The following NPAS3 variants were observed in gnomAD, a reference collection of about 807,000 sequenced individuals.
NPAS3 encodes the protein neuronal PAS domain protein 3.
In NPAS3, 14 loss-of-function variants were observed where a neutral mutation model predicts 73.1. That is an observed-to-expected ratio of 0.19 (90% CI 0.13 to 0.30). NPAS3 has a LOEUF of 0.30. Ranked by LOEUF, NPAS3 falls within the 10% of genes least tolerant of loss-of-function variation. NPAS3 has a pLI of 1.00. For synonymous variants in NPAS3, 620 were observed against 541.5 expected (o/e 1.14, Z -2.01); for missense variants, 1,096 against 1,250.0 (o/e 0.88, Z 1.86).
intron 4 of NPAS3, among the ~76,000 whole-genome samples, chr14:33,388,336 G>A (rs945606703): frequency 2.0e-5 from 3 of 152,184 alleles, no homozygotes; most frequent in Non-Finnish European, 4.4e-5. Flanking sequence ...TATTCCCAGA[G>A]TGATTTCAGC....
rs192805856 is a variant in NPAS3, at chr14:33,405,676, A to T, written c.468+38408A>T. Among the ~76,000 whole-genome samples the T allele has an allele frequency of 3.0e-3, 464 of 152,152 alleles. 1 individual carries two copies. The highest frequency in any genetic ancestry group is 6.4e-3 in the South Asian group (31 of 4,826). On this transcript the variant is annotated intron_variant, in intron 4 of 11. Transcript: ENST00000356141. ...CGTTAGCCTCTAGCAAATCCCATTT[A>T]AAAAAAATCTCACAGTATCTATAGG...
intron 5 of NPAS3, among the ~76,000 whole-genome samples, chr14:33,565,435 G>A (rs1412083694): frequency 2.0e-5 from 3 of 152,198 alleles, no homozygotes; most frequent in Non-Finnish European, 4.4e-5. Flanking sequence ...TAACTTGGCC[G>A]AGGGCCAATA....
chr14:33,200,538 C>T lies in NPAS3; in HGVS notation c.141-14644C>T, dbSNP rs190070078. On this transcript the variant is annotated intron_variant, in intron 2 of 11. Transcript: ENST00000356141. ...CCTTTATGTGCCCCATAATTAAATCCTACTCCCAGCAAAGGTTATTATTGG... is the reference window on the plus strand; with the variant it reads ...CCTTTATGTGCCCCATAATTAAATCTTACTCCCAGCAAAGGTTATTATTGG... Among the ~76,000 whole-genome samples the T allele has an allele frequency of 5.0e-3, 763 of 151,542 alleles. 4 individuals are homozygous for T. The highest frequency in any genetic ancestry group is 8.8e-3 in the Non-Finnish European group (595 of 67,668).
chr14:33,235,983 G>A (rs540917417), intron 3 of NPAS3, among the ~76,000 whole-genome samples: 23 of 151,310 alleles, frequency 1.5e-4, no homozygotes, highest in African/African-American at 5.3e-4. Context: ...GTAGACACGG[G>A]GTCTCACAAT....
At chr14:33,198,043 G>C (rs1336493633) in intron 2 of NPAS3, among the ~76,000 whole-genome samples, 1 of 150,658 alleles carries the variant, frequency 6.6e-6, no homozygotes, top group East Asian at 2.0e-4. Flanking sequence ...AGCTCTTAAG[G>C]CAGTGCGTCT....
At chr14:33,735,144 C>T (rs917119815) in intron 6 of NPAS3, 70 bp from the exon 7 acceptor site, 6 of 1,056,710 alleles carry the variant, frequency 5.7e-6, no homozygotes, top group Non-Finnish European at 8.9e-6. Context: ...AAGGATTGCA[C>T]CTGAGCTGTA....
At position 33,472,998 on chromosome 14, in the gene NPAS3, C is replaced by A. The variant is rs4362291; in HGVS notation, c.469-87123C>A. Among the ~76,000 whole-genome samples the A allele has an allele frequency of 4.5e-4, 64 of 143,470 alleles. No homozygotes were observed. In the East Asian group the frequency reaches 0.012, roughly 28 times the overall value. The allele number at this position is 143,470 out of a possible 152,430, so 94.1% of individuals were successfully genotyped here. On this transcript the variant is annotated intron_variant, in intron 4 of 11. Coordinates refer to ENST00000356141, the Ensembl canonical transcript of NPAS3. ...AGTGGATCTAAACGGAAATTTCCTG[C>A]GGGGGGAACTGTAAGCATGTTTGCT... is the stretch of plus-strand genomic sequence containing the variant.
intron 4 of NPAS3, among the ~76,000 whole-genome samples, chr14:33,487,168 A>G (rs997413532): frequency 1.3e-5 from 2 of 152,198 alleles, no homozygotes; most frequent in Non-Finnish European, 2.9e-5. Flanking sequence ...AATTTGCTTT[A>G]TCTTCAAAAA....
chr14:33,777,487 T>A (rs1218643845), intron 8 of NPAS3, among the ~76,000 whole-genome samples: 1 of 152,036 alleles, frequency 6.6e-6, no homozygotes, highest in Non-Finnish European at 1.5e-5. Flanking sequence ...CCAACAATGA[T>A]CACATGTGTT....
At chr14:33,796,465 AG>A (rs2063516125) in intron 10 of NPAS3, among the ~76,000 whole-genome samples, 2 of 152,242 alleles carry the variant, frequency 1.3e-5, no homozygotes. Context: ...GAACATTTGC[AG>A]TTTTAGAGTA....
At chr14:33,362,128 A>C (rs140203668) in intron 3 of NPAS3, among the ~76,000 whole-genome samples, 263 of 152,314 alleles carry the variant, frequency 1.7e-3, no homozygotes, top group African/African-American at 6.1e-3. Flanking sequence ...TTCAGTTGTC[A>C]TGTTGCTATA....
At chr14:33,328,364 T>C (rs1034490319) in intron 3 of NPAS3, among the ~76,000 whole-genome samples, 1 of 151,002 alleles carries the variant, frequency 6.6e-6, no homozygotes, top group Non-Finnish European at 1.5e-5. Context: ...TTGTTCACTT[T>C]ATTAAAATAA....
intron 3 of NPAS3, among the ~76,000 whole-genome samples, chr14:33,221,951 A>G (rs962671083): frequency 6.6e-6 from 1 of 152,150 alleles, no homozygotes; most frequent in African/African-American, 2.4e-5. Flanking sequence ...AAAATTTTAC[A>G]TCACATGGGA....
At chr14:33,361,077 T>C (rs1326304656) in intron 3 of NPAS3, among the ~76,000 whole-genome samples, 3 of 152,178 alleles carry the variant, frequency 2.0e-5, no homozygotes, top group Non-Finnish European at 2.9e-5. Flanking sequence ...TTATAGTAAC[T>C]ACCAGATTGT....
intron 1 of NPAS3, among the ~76,000 whole-genome samples, chr14:33,000,355 C>T (rs2038760932): frequency 1.3e-5 from 2 of 152,126 alleles, no homozygotes; most frequent in Non-Finnish European, 1.5e-5. Context: ...GTTGTTTAGC[C>T]ACTGTGTTTC....
At chr14:33,200,022 A>G (rs191434194) in intron 2 of NPAS3, among the ~76,000 whole-genome samples, 2 of 151,702 alleles carry the variant, frequency 1.3e-5, no homozygotes, top group African/African-American at 4.8e-5. Context: ...AGGGGACTAC[A>G]TTTGACTCAT....
At chr14:33,131,098 A>G (rs1258676010) in intron 2 of NPAS3, among the ~76,000 whole-genome samples, 1 of 152,102 alleles carries the variant, frequency 6.6e-6, no homozygotes, top group East Asian at 1.9e-4. Flanking sequence ...TCTACTTGTC[A>G]GTACACATTT....
chr14:33,650,753 T>C (rs1220111887), intron 5 of NPAS3, among the ~76,000 whole-genome samples: 1 of 152,040 alleles, frequency 6.6e-6, no homozygotes, highest in African/African-American at 2.4e-5. Flanking sequence ...TCTCTCTCTC[T>C]CTCTCTCTCT....
chr14:33,616,051 C>T (rs940970522), intron 5 of NPAS3, among the ~76,000 whole-genome samples: 2 of 152,166 alleles, frequency 1.3e-5, no homozygotes, highest in Non-Finnish European at 2.9e-5. Context: ...TTCCACTGCT[C>T]TTTTTGCCAG....
Sources: gnomAD v4.1 joint callset for allele counts (sites outside exome capture counted in the v4.1 genomes callset) on GRCh38, gnomAD v4.1.1 for gene constraint, MANE v1.5 for transcripts, NCBI Gene and HGNC (gene_info 2026-07-23, HGNC 2026-07-21) for gene names.